TAFA2: variants seen among roughly 807,000 people sequenced by gnomAD.
The protein encoded by TAFA2 is chemokine-like protein TAFA-2.
Under a neutral mutation model 18.8 loss-of-function variants are expected in TAFA2, and 7 were observed. The observed-to-expected ratio is 0.37, with a 90% CI of 0.21 to 0.70. TAFA2 has a LOEUF of 0.70. TAFA2 is among the 30% of genes least tolerant of loss of function. TAFA2 has a pLI of 0.53. For synonymous variants in TAFA2, 60 were observed against 54.2 expected (o/e 1.11, Z -0.47); for missense variants, 122 against 158.1 (o/e 0.77, Z 1.23).
At chr12:62,048,208 T>G (rs896072085) in intron 1 of TAFA2, among the ~76,000 whole-genome samples, 1 of 152,126 alleles carries the variant, frequency 6.6e-6, no homozygotes, top group Non-Finnish European at 1.5e-5. Context: ...TGACTTACAG[T>G]TCAGCATGGC....
At chr12:61,858,006 G>C (rs1450229723) in intron 2 of TAFA2, among the ~76,000 whole-genome samples, 1 of 152,204 alleles carries the variant, frequency 6.6e-6, no homozygotes, top group Non-Finnish European at 1.5e-5. Context: ...TTAGCAGAGA[G>C]TCTAGCAGTG....
chr12:61,815,074 A>G lies in TAFA2; in HGVS notation c.106+52246T>C, dbSNP rs146766225. On this transcript the variant is annotated intron_variant, in intron 2 of 4. Coordinates refer to ENST00000416284, the MANE Select transcript of TAFA2 (RefSeq NM_178539.5). Reference sequence around the variant, plus strand: ...TTACAGCAGCAATAGAAAATACAGAAGAGTTTTGCATTAAGTAATTCAGGT... The same window carrying G: ...TTACAGCAGCAATAGAAAATACAGAGGAGTTTTGCATTAAGTAATTCAGGT... Among the ~76,000 whole-genome samples, 242 of 151,638 alleles carry G rather than the reference A, an allele frequency of 1.6e-3. 10 individuals are homozygous for G. Among genetic ancestry groups the G allele is most frequent in the African/African-American group, 5.0e-3 (203 of 40,912 alleles).
At chr12:62,035,543 A>C (rs1403214753) in intron 1 of TAFA2, among the ~76,000 whole-genome samples, 1 of 143,838 alleles carries the variant, frequency 7.0e-6, no homozygotes, top group Non-Finnish European at 1.5e-5. Context: ...AAAGCCATAA[A>C]ATAAAAAAAA....
rs546834130 is a variant in TAFA2, at chr12:61,864,832, A to G, written c.106+2488T>C. Among the ~76,000 whole-genome samples, 3 of 151,682 alleles carry G rather than the reference A, an allele frequency of 2.0e-5. No homozygotes were observed. In the South Asian group the frequency reaches 6.2e-4, roughly 32 times the overall value. The stretch of plus-strand genomic sequence containing the variant: ...TGGTTAAGAGATTAAATGAGTTGAC[A>G]TCTGTAATGCTCTTTAGTGCTGTTG... On this transcript the variant is annotated intron_variant, in intron 2 of 4. Coordinates refer to ENST00000416284, the MANE Select transcript of TAFA2 (RefSeq NM_178539.5).
At chr12:61,844,943 A>G (rs1186093154) in intron 2 of TAFA2, among the ~76,000 whole-genome samples, 1 of 152,104 alleles carries the variant, frequency 6.6e-6, no homozygotes, top group Admixed American at 6.6e-5. Flanking sequence ...ACTATCCAAA[A>G]TTCAAGGAAA....
intron 1 of TAFA2, among the ~76,000 whole-genome samples, chr12:62,175,866 TTA>T (rs71083984): frequency 0.15 from 3,386 of 21,938 alleles, 135 homozygotes; most frequent in Admixed American, 0.39. Context: ...AAAGAACATA[TTA>T]TATATATATA....
chr12:61,955,632 A>AAAAT (rs1878655397), intron 1 of TAFA2, among the ~76,000 whole-genome samples: 4 of 41,208 alleles, frequency 9.7e-5, no homozygotes, highest in African/African-American at 1.3e-4. Flanking sequence ...AAAAAAAAAA[A>AAAAT]ATATATATAT....
intron 1 of TAFA2, among the ~76,000 whole-genome samples, chr12:62,154,199 C>G (rs1411335768): frequency 1.3e-5 from 2 of 152,116 alleles, no homozygotes; most frequent in African/African-American, 4.8e-5. Flanking sequence ...TGATTTAAGG[C>G]TGCCAAGGTC....
intron 2 of TAFA2, among the ~76,000 whole-genome samples, chr12:61,836,914 T>C (rs1353910259): frequency 6.6e-6 from 1 of 151,306 alleles, no homozygotes; most frequent in African/African-American, 2.4e-5. Context: ...AAAAGATTTT[T>C]AACATATGAA....
intron 1 of TAFA2, among the ~76,000 whole-genome samples, chr12:62,199,590 G>A (rs1277733528): frequency 6.7e-6 from 1 of 150,346 alleles, no homozygotes; most frequent in African/African-American, 2.4e-5. Flanking sequence ...GTGTGTATGT[G>A]TGTGTATATA....
chr12:62,025,461 C>A (rs988482912), intron 1 of TAFA2, among the ~76,000 whole-genome samples: 1 of 151,970 alleles, frequency 6.6e-6, no homozygotes, highest in Admixed American at 6.6e-5. Flanking sequence ...ACTTTTTGAA[C>A]GAGAAAAAAT....
intron 2 of TAFA2, among the ~76,000 whole-genome samples, chr12:61,814,177 A>G (rs889707257): frequency 1.3e-5 from 2 of 151,484 alleles, no homozygotes; most frequent in African/African-American, 4.9e-5. Flanking sequence ...GGAAAGAGGC[A>G]GCCAGCTGAG....
intron 2 of TAFA2, among the ~76,000 whole-genome samples, chr12:61,851,579 A>G (rs1565656188): frequency 6.6e-6 from 1 of 150,786 alleles, no homozygotes; most frequent in African/African-American, 2.4e-5. Context: ...AATCGAGACC[A>G]TCCTGGCTAA....
At chr12:62,185,501 T>C (rs954402339) in intron 1 of TAFA2, among the ~76,000 whole-genome samples, 1 of 152,242 alleles carries the variant, frequency 6.6e-6, no homozygotes, top group African/African-American at 2.4e-5. Flanking sequence ...ACTTGTCTGA[T>C]AGCCATTTCT....
intron 2 of TAFA2, among the ~76,000 whole-genome samples, chr12:61,830,607 A>T (rs934325499): frequency 1.3e-5 from 2 of 151,816 alleles, no homozygotes; most frequent in African/African-American, 4.8e-5. Flanking sequence ...TGGGAATGAG[A>T]TGGGGGAATG....
At chr12:61,857,921 A>T (rs943390160) in intron 2 of TAFA2, among the ~76,000 whole-genome samples, 2 of 152,218 alleles carry the variant, frequency 1.3e-5, no homozygotes, top group African/African-American at 2.4e-5. Flanking sequence ...GAAAGAAGCC[A>T]TCTATTTTTT....
intron 1 of TAFA2, among the ~76,000 whole-genome samples, chr12:61,916,942 A>G (rs1320497848): frequency 6.6e-6 from 1 of 152,238 alleles, no homozygotes; most frequent in African/African-American, 2.4e-5. Context: ...AGCTACATTA[A>G]CTATGATAAG....
intron 1 of TAFA2, among the ~76,000 whole-genome samples, chr12:62,141,705 A>G (rs925792524): frequency 1.3e-5 from 2 of 152,210 alleles, no homozygotes; most frequent in Non-Finnish European, 2.9e-5. Context: ...AGAGATATGC[A>G]AGCCAAACAA....
intron 1 of TAFA2, among the ~76,000 whole-genome samples, chr12:61,902,506 C>T (rs1312242061): frequency 1.3e-5 from 2 of 152,084 alleles, no homozygotes; most frequent in African/African-American, 2.4e-5. Context: ...GGGAGTGAGG[C>T]TTTGAACACT....
Sources: allele counts gnomAD v4.1 joint callset (sites outside exome capture counted in the v4.1 genomes callset), GRCh38; gene constraint gnomAD v4.1.1; transcripts MANE v1.5; gene names NCBI Gene and HGNC (gene_info 2026-07-23, HGNC 2026-07-21).